The following TRPC5 variants were observed in gnomAD, a reference collection of about 807,000 sequenced individuals.
TRPC5 encodes the protein short transient receptor potential channel 5.
In TRPC5, 9 loss-of-function variants were observed where a neutral mutation model predicts 56.5. The observed-to-expected ratio is 0.16, with a 90% confidence interval of 0.10 to 0.28. The LOEUF is 0.28. Ranked by LOEUF, TRPC5 falls within the 10% of genes least tolerant of loss-of-function variation. The pLI, the probability that TRPC5 is intolerant of heterozygous loss-of-function variation, is 1.00. For missense variants in TRPC5, 469 were observed against 748.9 expected, an observed-to-expected ratio of 0.63 and a Z score of 4.36; for synonymous variants, 282 against 278.5, an observed-to-expected ratio of 1.01 and a Z score of -0.13.
chrX:111,937,217 G>T (rs1281954522), intron 2 of TRPC5, among the ~76,000 whole-genome samples: 27 of 104,511 alleles, frequency 2.6e-4, no homozygotes, highest in Admixed American at 4.0e-4. Flanking sequence ...TAAATTTGTT[G>T]GAGTTCATTG....
At chrX:111,991,852 G>T (rs774183569) in intron 1 of TRPC5, among the ~76,000 whole-genome samples, 19 of 111,867 alleles carry the variant, frequency 1.7e-4, no homozygotes, top group African/African-American at 5.8e-4. Context: ...ATACACAGGA[G>T]CCCAAAAAGA....
chrX:111,828,282 G>T (rs919012109), intron 7 of TRPC5, among the ~76,000 whole-genome samples: 2 of 111,451 alleles, frequency 1.8e-5, no homozygotes, highest in African/African-American at 6.5e-5. Flanking sequence ...TGTCAGGGAG[G>T]GATCCAGCGG....
At position 112,031,161 on chromosome X, in the gene TRPC5, G is replaced by GT. The variant is rs756252413; in HGVS notation, c.-22+50717dup. Among the ~76,000 whole-genome samples the GT allele has an allele frequency of 7.5e-3, 834 of 111,883 alleles. 2 individuals are homozygous for GT. The highest frequency in any genetic ancestry group is 0.014 in the Middle Eastern group (3 of 218). ...AGCAGGGAAATCTCGATCTTTCTTA[G>GT]TTTTTTCTAAATCCTGGCTCCAACT... On this transcript the variant is annotated intron_variant, in intron 1 of 10. Transcript: ENST00000262839.
At position 111,772,709 on chromosome X, in the gene TRPC5, G is replaced by C. The variant is rs1270243374; in HGVS notation, c.*3604C>G. Reference sequence around the variant, plus strand: ...GGCCTCCCAAAGTGCTGGGATTACAGGAGTGGGCCACCATGCCCAGCCTCA... The same window carrying C: ...GGCCTCCCAAAGTGCTGGGATTACACGAGTGGGCCACCATGCCCAGCCTCA... On this transcript the variant is annotated 3_prime_UTR_variant, in exon 11 of 11. Transcript: ENST00000262839. Among the ~76,000 whole-genome samples, 1 of 111,758 alleles carries C rather than the reference G, an allele frequency of 8.9e-6. No homozygotes were observed. The highest frequency in any genetic ancestry group is 3.3e-5 in the African/African-American group (1 of 30,769).
rs1459235969 is a variant in TRPC5, at chrX:111,952,107, C to T, written c.314G>A (p.Arg105His). Residue 105 changes from arginine (R) to histidine (H), a missense_variant, in exon 2 of 11, where the codon CGC becomes CAC. By Grantham distance (29) the Arg-to-His change is conservative. Transcript: ENST00000262839. The stretch of plus-strand genomic sequence containing the variant: ...CTCCACAGCGCCCACCACTTCCTTG[C>T]GTATGGCATAGAGCAATGCATCACC... ...YVGDALLYAIRKEVVGAVELL... is the reference protein window; with the variant it reads ...YVGDALLYAIHKEVVGAVELL... The T allele has an allele frequency of 4.1e-6, 5 of 1,210,649 alleles. No individual in the cohort carries two copies. Among genetic ancestry groups the T allele is most frequent in the South Asian group, 3.5e-5 (2 of 56,835 alleles).
At chrX:112,067,709 C>G (rs1480471878) in intron 1 of TRPC5, among the ~76,000 whole-genome samples, 1 of 111,937 alleles carries the variant, frequency 8.9e-6, no homozygotes, top group Non-Finnish European at 1.9e-5. Context: ...GGGAGAGCTA[C>G]TAAATGCTTC....
intron 3 of TRPC5, among the ~76,000 whole-genome samples, chrX:111,910,012 C>T (rs897288613): frequency 9.0e-6 from 1 of 111,475 alleles, no homozygotes; most frequent in African/African-American, 3.3e-5. Context: ...CAGAAGGTGA[C>T]CTACCAACAC....
chrX:111,821,840 G>C (rs1404539383), intron 7 of TRPC5, among the ~76,000 whole-genome samples: 1 of 111,373 alleles, frequency 9.0e-6, no homozygotes, highest in Non-Finnish European at 1.9e-5. Context: ...AGAACATTCA[G>C]AGACCAATTT....
chrX:111,956,044 G>A (rs1055114660), intron 1 of TRPC5, among the ~76,000 whole-genome samples: 5 of 112,584 alleles, frequency 4.4e-5, no homozygotes, highest in South Asian at 3.7e-4. Flanking sequence ...GGCCAGAGGC[G>A]TTTGTCTAAT....
intron 1 of TRPC5, among the ~76,000 whole-genome samples, chrX:112,000,222 T>C (rs1203648554): frequency 9.0e-6 from 1 of 111,452 alleles, no homozygotes; most frequent in Non-Finnish European, 1.9e-5. Flanking sequence ...GCAACCTTTA[T>C]TAGACACTCA....
chrX:111,972,985 C>T (rs1341108628), intron 1 of TRPC5, among the ~76,000 whole-genome samples: 1 of 111,474 alleles, frequency 9.0e-6, no homozygotes, highest in Non-Finnish European at 1.9e-5. Context: ...AATTTTTCCT[C>T]CAACATTAGA....
chrX:112,064,857 G>A (rs369525222), intron 1 of TRPC5, among the ~76,000 whole-genome samples: 4 of 110,797 alleles, frequency 3.6e-5, no homozygotes, highest in East Asian at 2.8e-4. Context: ...GGCGGATCAC[G>A]AGGTCAGGAG....
chrX:111,997,325 G>C (rs192065104), intron 1 of TRPC5, among the ~76,000 whole-genome samples: 179 of 111,668 alleles, frequency 1.6e-3, no homozygotes, highest in African/African-American at 5.2e-3. Context: ...TGAATATTGG[G>C]CCCCACTCTC....
intron 7 of TRPC5, among the ~76,000 whole-genome samples, chrX:111,810,862 A>G (rs540296793): frequency 1.2e-4 from 13 of 112,380 alleles, no homozygotes; most frequent in African/African-American, 4.2e-4. Flanking sequence ...GGACAACTAA[A>G]TTCAGAAGAA....
intron 1 of TRPC5, among the ~76,000 whole-genome samples, chrX:112,025,425 A>G (rs1451391643): frequency 8.9e-6 from 1 of 112,264 alleles, no homozygotes; most frequent in Non-Finnish European, 1.9e-5. Context: ...ATTTTGTCAG[A>G]ATGAGAATCA....
In TRPC5 at chrX:112,081,309, C is replaced by T. The variant is rs183985927; in HGVS notation, c.-22+570G>A. ...AAGCAGAGATCTGACTGATGCCCCTCCATTTGCATTTCTTGGTTCCTTTAA... is the reference window on the plus strand; with the variant it reads ...AAGCAGAGATCTGACTGATGCCCCTTCATTTGCATTTCTTGGTTCCTTTAA... On this transcript the variant is annotated intron_variant, in intron 1 of 10. Transcript: ENST00000262839. Among the ~76,000 whole-genome samples, 270 of 111,813 alleles carry T rather than the reference C, an allele frequency of 2.4e-3. 1 individual carries two copies. The highest frequency in any genetic ancestry group is 0.015 in the South Asian group (39 of 2,623).
intron 3 of TRPC5, among the ~76,000 whole-genome samples, chrX:111,874,678 A>G (rs1165923406): frequency 8.9e-6 from 1 of 112,308 alleles, no homozygotes; most frequent in Non-Finnish European, 1.9e-5. Flanking sequence ...GTAAGTGGTG[A>G]GAGCCAGGTT....
intron 1 of TRPC5, among the ~76,000 whole-genome samples, chrX:112,018,874 G>C (rs751097692): frequency 8.9e-6 from 1 of 111,853 alleles, no homozygotes; most frequent in African/African-American, 3.2e-5. Flanking sequence ...TCTTCTAGCT[G>C]TTGGCTGGCG....
At chrX:111,911,231 G>A (rs1196765788) in intron 3 of TRPC5, among the ~76,000 whole-genome samples, 1 of 112,400 alleles carries the variant, frequency 8.9e-6, no homozygotes, top group Non-Finnish European at 1.9e-5. Flanking sequence ...CCTTCAGCTG[G>A]CAGGCACCCC....
Sources: gnomAD v4.1 joint callset for allele counts (sites outside exome capture counted in the v4.1 genomes callset) on GRCh38, gnomAD v4.1.1 for gene constraint, MANE v1.5 for transcripts, NCBI Gene and HGNC (gene_info 2026-07-23, HGNC 2026-07-21) for gene names.